The following SLC4A7 variants were observed in gnomAD, a reference collection of about 807,000 sequenced individuals.
SLC4A7 encodes the protein solute carrier family 4 member 7.
A neutral mutation model predicts 137.6 loss-of-function variants in SLC4A7; 51 were observed. The ratio of observed to expected loss-of-function variants is 0.37; its 90% CI spans 0.30 to 0.47. The LOEUF is 0.47. Among genes scored for constraint, SLC4A7 ranks in the 20% least tolerant of loss-of-function variants. The pLI is 1.00. For missense variants in SLC4A7, 1,247 were observed against 1,525.4 expected, an observed-to-expected ratio of 0.82 and a Z score of 3.04; for synonymous variants, 542 against 518.6, an observed-to-expected ratio of 1.05 and a Z score of -0.61.
chr3:27,442,588 T>C (rs2057286726), intron 3 of SLC4A7, among the ~76,000 whole-genome samples: 2 of 152,100 alleles, frequency 1.3e-5, no homozygotes, highest in Admixed American at 6.5e-5. Context: ...TTTCGTATTT[T>C]TGGTAGAGAC....
intron 7 of SLC4A7, among the ~76,000 whole-genome samples, chr3:27,427,893 C>T (rs1014088800): frequency 6.6e-6 from 1 of 152,182 alleles, no homozygotes. Context: ...ATGTTGGATT[C>T]TCAGTTAATT....
intron 7 of SLC4A7, among the ~76,000 whole-genome samples, chr3:27,425,396 G>A (rs1016440789): frequency 5.8e-5 from 7 of 120,858 alleles, no homozygotes; most frequent in Non-Finnish European, 8.5e-5. Flanking sequence ...AAAAAAAAGG[G>A]CCAGGCGCTG....
chr3:27,423,079 T>C (rs1317427122), intron 8 of SLC4A7, among the ~76,000 whole-genome samples: 1 of 152,202 alleles, frequency 6.6e-6, no homozygotes, highest in African/African-American at 2.4e-5. Flanking sequence ...CAGAAAAATT[T>C]AAAATACAAC....
intron 1 of SLC4A7, among the ~76,000 whole-genome samples, chr3:27,469,533 T>C (rs893181965): frequency 2.0e-5 from 3 of 152,154 alleles, no homozygotes; most frequent in Non-Finnish European, 2.9e-5. Context: ...AAGGATATTA[T>C]AAAGGATACA....
chr3:27,484,358 C>G lies in SLC4A7; in HGVS notation c.-232G>C, dbSNP rs1289078748. 1 of 335,444 alleles carries G rather than the reference C, an allele frequency of 3.0e-6. No homozygotes were observed. Among genetic ancestry groups the G allele is most frequent in the African/African-American group, 2.2e-5 (1 of 46,340 alleles). 20.8% of individuals were successfully genotyped at this position (335,444 alleles called of 1,614,324 possible). On this transcript the variant is annotated 5_prime_UTR_variant, in exon 1 of 26. Coordinates refer to ENST00000454389, the MANE Select transcript of SLC4A7 (RefSeq NM_001321103.2). ...GCTGGCTTTAGTAGGAGAGCGAGGC[C>G]GCGGCGTGGAACCTGAAGCTAGAAC...
intron 3 of SLC4A7, among the ~76,000 whole-genome samples, chr3:27,438,657 AAACAT>A (rs1391395950): frequency 4.6e-5 from 6 of 129,328 alleles, no homozygotes; most frequent in South Asian, 5.1e-4. Context: ...ACAAAATAAC[AAACAT>A]AACATAAAAT....
Position 27,390,030 on chromosome 3 carries a change from C to A in SLC4A7, c.3261G>T (p.Pro1087=), listed in dbSNP as rs747613260. The change falls in exon 22 of 26, where the codon CCG becomes CCT. Residue 1087 remains proline, a synonymous_variant. Coordinates refer to ENST00000454389, the MANE Select transcript of SLC4A7 (RefSeq NM_001321103.2). Reference sequence around the variant, plus strand: ...CTGTGAAAATATGGACCTTCCAGAGCGGCACATAACGGAGGTATATCAAAT... The same window carrying A: ...CTGTGAAAATATGGACCTTCCAGAGAGGCACATAACGGAGGTATATCAAAT... ...QPDLIYLRYV[P]LWKVHIFTVI... 6.2e-6 allele frequency: 10 copies of A among 1,611,974 alleles called. No homozygotes were observed. The highest frequency in any genetic ancestry group is 2.7e-5 in the African/African-American group (2 of 74,826).
At chr3:27,416,584 T>G (rs2054406396) in intron 11 of SLC4A7, among the ~76,000 whole-genome samples, 1 of 152,188 alleles carries the variant, frequency 6.6e-6, no homozygotes, top group Non-Finnish European at 1.5e-5. Flanking sequence ...ATGCAAATTT[T>G]TTCAAATTAT....
At position 27,412,071 on chromosome 3, in the gene SLC4A7, A is replaced by C. The variant is rs2053953622; in HGVS notation, c.1660-323T>G. 5.9e-5 allele frequency among the ~76,000 whole-genome samples: 9 copies of C among 152,252 alleles called. No individual in the cohort carries two copies. The South Asian group carries it at 1.9e-3, about 32-fold the overall frequency. ...ATAGCTACAAACGTAAGTAACCTCC[A>C]AAAAAGCATCTCTCCCACCAAAACT... On this transcript the variant is annotated intron_variant, in intron 11 of 25. Coordinates refer to ENST00000454389, the MANE Select transcript of SLC4A7 (RefSeq NM_001321103.2).
chr3:27,384,423 T>C (rs981641208), intron 23 of SLC4A7, among the ~76,000 whole-genome samples: 1 of 152,178 alleles, frequency 6.6e-6, no homozygotes, highest in East Asian at 1.9e-4. Context: ...GGCAACCATA[T>C]GCTGAGGTCA....
At chr3:27,451,963 G>T (rs1576556753) in intron 2 of SLC4A7, among the ~76,000 whole-genome samples, 2 of 152,190 alleles carry the variant, frequency 1.3e-5, no homozygotes, top group Middle Eastern at 6.8e-3. Context: ...CCTGTCTAAG[G>T]AAGAAAGATG....
chr3:27,389,108 A>G (rs1469364065), intron 22 of SLC4A7, among the ~76,000 whole-genome samples: 1 of 152,100 alleles, frequency 6.6e-6, no homozygotes, highest in East Asian at 1.9e-4. Context: ...TTTAAAAAAA[A>G]CAACTTAGTT....
intron 3 of SLC4A7, among the ~76,000 whole-genome samples, chr3:27,438,443 T>G (rs1268093498): frequency 6.6e-6 from 1 of 151,940 alleles, no homozygotes; most frequent in Non-Finnish European, 1.5e-5. Context: ...AGGCGTAGGT[T>G]GCAGTGAGCT....
chr3:27,376,626 C>A lies in SLC4A7; in HGVS notation c.*138G>T. The A allele has an allele frequency of 2.0e-6, 1 of 502,218 alleles. No individual in the cohort carries two copies. Among genetic ancestry groups the A allele is most frequent in the Non-Finnish European group, 3.6e-6 (1 of 278,378 alleles). The allele number at this position is 502,218 out of a possible 1,614,324, so 31.1% of individuals were successfully genotyped here. A position where few individuals can be genotyped will look rare whatever the true frequency, so the allele number is the denominator to read the frequency against. ...TACATAGTCTCCACGGTGCTCATTA[C>A]AAACTCCAGACACTACTTTTAAAAA... On this transcript the variant is annotated 3_prime_UTR_variant, in exon 26 of 26. Coordinates refer to ENST00000454389, the MANE Select transcript of SLC4A7 (RefSeq NM_001321103.2).
chr3:27,395,273 T>A (rs961628430), intron 18 of SLC4A7, among the ~76,000 whole-genome samples, 158 bp from the exon 19 acceptor site: 2 of 152,206 alleles, frequency 1.3e-5, no homozygotes, highest in Non-Finnish European at 2.9e-5. Flanking sequence ...ATGGCCACAG[T>A]AATTCTTCCT....
At chr3:27,452,307 CA>C in intron 2 of SLC4A7, 109 bp downstream of exon 2, 1 of 697,796 alleles carries the variant, frequency 1.4e-6, no homozygotes, top group African/African-American at 1.8e-5. Context: ...TACCTTACAA[CA>C]ATAACAAAAA....
chr3:27,430,442 G>A (rs981110495), intron 7 of SLC4A7, among the ~76,000 whole-genome samples: 1 of 151,776 alleles, frequency 6.6e-6, no homozygotes, highest in African/African-American at 2.4e-5. Context: ...GGGCAACATG[G>A]TGAGACCTGG....
In SLC4A7 at chr3:27,470,641, TAA is replaced by T. The variant is rs35093803; in HGVS notation, c.60+13424_60+13425del. ...CTCATGGGCAGAGTAGCTCCAACTTTAAAAAAAAAAAAAAAAAACAGCCAGGC... is the reference window on the plus strand; with the variant it reads ...CTCATGGGCAGAGTAGCTCCAACTTTAAAAAAAAAAAAAAAACAGCCAGGC... On this transcript the variant is annotated intron_variant, in intron 1 of 25. Transcript: ENST00000454389. Among the ~76,000 whole-genome samples the T allele has an allele frequency of 4.2e-3, 486 of 115,680 alleles. 1 individual carries two copies. Among genetic ancestry groups the T allele is most frequent in the African/African-American group, 0.014 (457 of 32,776 alleles). The allele number at this position is 115,680 out of a possible 152,430, so 75.9% of individuals were successfully genotyped here.
chr3:27,419,814 G>C (rs2054770370), intron 10 of SLC4A7, among the ~76,000 whole-genome samples: 1 of 152,096 alleles, frequency 6.6e-6, no homozygotes, highest in Admixed American at 6.6e-5. Flanking sequence ...AATGGCAGTA[G>C]AGATGGAAAG....
Sources: allele counts gnomAD v4.1 joint callset (sites outside exome capture counted in the v4.1 genomes callset), GRCh38; gene constraint gnomAD v4.1.1; transcripts MANE v1.5; gene names NCBI Gene and HGNC (gene_info 2026-07-23, HGNC 2026-07-21).